Variants in SKAP2 observed in about 807,000 individuals in gnomAD.
The protein encoded by SKAP2 is src kinase associated phosphoprotein 2.
SKAP2 carries 28 observed loss-of-function variants against 54.9 expected under a neutral mutation model. The observed-to-expected ratio is 0.51, with a 90% CI of 0.38 to 0.70. The LOEUF (loss-of-function observed/expected upper bound fraction) is 0.70. Among genes scored for constraint, SKAP2 ranks in the 30% least tolerant of loss-of-function variants. The pLI is 0.00. For synonymous variants in SKAP2, 137 were observed against 134.3 expected (o/e 1.02, Z -0.14); for missense variants, 356 against 424.1 (o/e 0.84, Z 1.41).
At chr7:26,779,523 C>T (rs1053022890) in intron 4 of SKAP2, among the ~76,000 whole-genome samples, 1 of 152,026 alleles carries the variant, frequency 6.6e-6, no homozygotes, top group Non-Finnish European at 1.5e-5. Flanking sequence ...ACATTTTAAT[C>T]TTTCCCTAAT....
chr7:26,776,043 T>C (rs1338738975), intron 4 of SKAP2, among the ~76,000 whole-genome samples: 2 of 152,180 alleles, frequency 1.3e-5, no homozygotes, highest in Admixed American at 6.6e-5. Context: ...TGATTGCATA[T>C]TCAATGGACA....
rs564419749 is a variant in SKAP2 at position 26,707,655 on chromosome 7, G to A, written c.797-17293C>T. 1.6e-4 allele frequency among the ~76,000 whole-genome samples: 24 copies of A among 152,282 alleles called. No individual in the cohort carries two copies. The South Asian group carries it at 3.7e-3, about 24-fold the overall frequency. On this transcript the variant is annotated intron_variant, in intron 9 of 12. Coordinates refer to ENST00000345317, the MANE Select transcript of SKAP2 (RefSeq NM_003930.5). ...CTGATCATTTGCATGGTGGGGTTGA[G>A]GCTGGAGTTTTAACATCTTCATGGA...
At position 26,760,199 on chromosome 7, in the gene SKAP2, T is replaced by A. The variant is rs73278893; in HGVS notation, c.308-20235A>T. 2.0e-3 allele frequency among the ~76,000 whole-genome samples: 298 copies of A among 152,278 alleles called. 1 individual carries two copies. The highest frequency in any genetic ancestry group is 6.9e-3 in the African/African-American group (285 of 41,566). Reference sequence around the variant, plus strand: ...TCACATATTCCACGAATCCTTGGAATTCAAACTACTTGAAATTCTAAACTA... The same window carrying A: ...TCACATATTCCACGAATCCTTGGAAATCAAACTACTTGAAATTCTAAACTA... On this transcript the variant is annotated intron_variant, in intron 4 of 12. Transcript: ENST00000345317.
intron 4 of SKAP2, among the ~76,000 whole-genome samples, chr7:26,783,900 AC>A (rs1783480495): frequency 6.6e-6 from 1 of 152,016 alleles, no homozygotes; most frequent in African/African-American, 2.4e-5. Context: ...TACGTAACTA[AC>A]CTGCACATTA....
intron 1 of SKAP2, among the ~76,000 whole-genome samples, chr7:26,861,060 T>A (rs969111235): frequency 1.3e-5 from 2 of 152,038 alleles, no homozygotes; most frequent in Non-Finnish European, 2.9e-5. Flanking sequence ...GAAAATAACA[T>A]CTTCTTAGAG....
chr7:26,799,934 C>T (rs62448178), intron 4 of SKAP2, among the ~76,000 whole-genome samples: 3,543 of 151,280 alleles, frequency 0.023, 73 homozygotes, highest in Non-Finnish European at 0.039. Flanking sequence ...CTGGCTAATA[C>T]GGTGAAACCC....
intron 4 of SKAP2, among the ~76,000 whole-genome samples, chr7:26,841,550 C>G (rs1169850472): frequency 6.6e-6 from 1 of 152,016 alleles, no homozygotes. Flanking sequence ...GAAGATATAA[C>G]TTATGCTGCT....
At chr7:26,845,883 A>G (rs1237517741) in intron 3 of SKAP2, among the ~76,000 whole-genome samples, 1 of 152,134 alleles carries the variant, frequency 6.6e-6, no homozygotes, top group Non-Finnish European at 1.5e-5. Flanking sequence ...AGTGAGCTAT[A>G]ACTGCACCAC....
intron 4 of SKAP2, among the ~76,000 whole-genome samples, chr7:26,786,497 T>C (rs752179697): frequency 6.6e-6 from 1 of 152,102 alleles, no homozygotes; most frequent in Non-Finnish European, 1.5e-5. Context: ...AGGTGACCAA[T>C]GAGCTGAACT....
At chr7:26,747,696 A>T (rs763632238) in intron 4 of SKAP2, among the ~76,000 whole-genome samples, 1 of 152,000 alleles carries the variant, frequency 6.6e-6, no homozygotes, top group African/African-American at 2.4e-5. Context: ...TCAGAGTCCA[A>T]TCAAAAGCTT....
chr7:26,698,181 T>C (rs1362890018), intron 9 of SKAP2, among the ~76,000 whole-genome samples: 1 of 152,184 alleles, frequency 6.6e-6, no homozygotes, highest in Non-Finnish European at 1.5e-5. Flanking sequence ...TATGCAAATA[T>C]ACCCTTTCTC....
intron 10 of SKAP2, among the ~76,000 whole-genome samples, chr7:26,688,256 C>T (rs936095147): frequency 1.3e-5 from 2 of 151,538 alleles, no homozygotes; most frequent in Non-Finnish European, 2.9e-5. Context: ...CTATAATGTT[C>T]AAAAAAAATC....
At chr7:26,822,613 A>G (rs915289905) in intron 4 of SKAP2, among the ~76,000 whole-genome samples, 4 of 151,792 alleles carry the variant, frequency 2.6e-5, no homozygotes, top group Non-Finnish European at 4.4e-5. Flanking sequence ...TGGTGGCTCA[A>G]GCCTGTAATC....
intron 4 of SKAP2, among the ~76,000 whole-genome samples, chr7:26,793,564 C>T (rs1783712461): frequency 6.6e-6 from 1 of 152,020 alleles, no homozygotes; most frequent in Non-Finnish European, 1.5e-5. Context: ...TTTTGTGTGA[C>T]CTGGCAAGGA....
chr7:26,702,082 T>G (rs965939428), intron 9 of SKAP2, among the ~76,000 whole-genome samples: 1 of 152,170 alleles, frequency 6.6e-6, no homozygotes, highest in African/African-American at 2.4e-5. Context: ...CGTATCAGTT[T>G]CCTTATTTAT....
intron 4 of SKAP2, among the ~76,000 whole-genome samples, chr7:26,799,553 T>A (rs1277915578): frequency 6.6e-6 from 1 of 152,102 alleles, no homozygotes; most frequent in Non-Finnish European, 1.5e-5. Context: ...AACACCCAGA[T>A]ATATAAGGAA....
rs191452855 is a variant in SKAP2, at chr7:26,757,893, C to T, written c.308-17929G>A. 1.3e-4 allele frequency among the ~76,000 whole-genome samples: 20 copies of T among 152,280 alleles called. No homozygotes were observed. In the East Asian group the frequency reaches 3.5e-3, roughly 26 times the overall value. On this transcript the variant is annotated intron_variant, in intron 4 of 12. Coordinates refer to ENST00000345317, the MANE Select transcript of SKAP2 (RefSeq NM_003930.5). ...TCTCCTGCTTCAGCTTCCCAAGTAG[C>T]TGGGACTACAGGCACGTGCCACCAC...
intron 4 of SKAP2, among the ~76,000 whole-genome samples, chr7:26,772,095 T>C (rs1467587766): frequency 6.6e-6 from 1 of 152,230 alleles, no homozygotes; most frequent in Non-Finnish European, 1.5e-5. Flanking sequence ...TGCCAAATTG[T>C]AATAACTATG....
intron 1 of SKAP2, 37 bp from the exon 2 acceptor site, chr7:26,854,927 T>C: frequency 7.0e-7 from 1 of 1,428,610 alleles, no homozygotes; most frequent in African/African-American, 1.4e-5. Context: ...ATACAAATTA[T>C]AAGAAATAAA....
Sources: allele counts gnomAD v4.1 joint callset (sites outside exome capture counted in the v4.1 genomes callset), GRCh38; gene constraint gnomAD v4.1.1; transcripts MANE v1.5; gene names NCBI Gene and HGNC (gene_info 2026-07-23, HGNC 2026-07-21).